The following NLRP5 variants were observed in gnomAD, a reference collection of about 807,000 sequenced individuals.
NLRP5 encodes the protein NACHT, LRR and PYD domains-containing protein 5.
Under a neutral mutation model 113.1 loss-of-function variants are expected in NLRP5, and 93 were observed. That is an observed-to-expected ratio of 0.82 (90% confidence interval 0.70 to 0.98). The LOEUF (loss-of-function observed/expected upper bound fraction) is 0.98, where lower values mean the gene tolerates loss of function less well. Ranked by LOEUF, NLRP5 falls within the 50% of genes least tolerant of loss-of-function variation. The pLI is 0.00. For synonymous variants in NLRP5, 751 were observed against 600.7 expected (o/e 1.25, Z -3.66); for missense variants, 1,808 against 1,514.3 (o/e 1.19, Z -3.22).
At chr19:56,043,560 T>TCC (rs1983602784) in intron 11 of NLRP5, among the ~76,000 whole-genome samples, 1 of 41,762 alleles carries the variant, frequency 2.4e-5, no homozygotes, top group Non-Finnish European at 5.6e-5. Context: ...TTTTTTTTTT[T>TCC]TTTTTTTTTT....
In NLRP5 at chr19:56,028,143, T is replaced by C. The variant is rs757846143; in HGVS notation, c.1910T>C (p.Leu637Ser). Residue 637 changes from leucine to serine, a missense_variant, in exon 7 of 15, where the codon TTG (leucine) becomes TCG (serine). Transcript: ENST00000390649. ...CACTCGCTTTGGATGAAGCGTTTCT[T>C]GTTTGGCCTCGTGAGCGAAGACGTA... 6.2e-7 allele frequency: 1 copy of C among 1,614,016 alleles called. No homozygotes were observed. The highest frequency in any genetic ancestry group is 8.5e-7 in the Non-Finnish European group (1 of 1,179,888).
In NLRP5 at chr19:56,027,294, C is replaced by T. The variant is rs763987829; in HGVS notation, c.1061C>T (p.Pro354Leu). Residue 354 changes from proline to leucine, a missense_variant, in exon 7 of 15, where the codon CCA becomes CTA. By Grantham distance (98) the Pro-to-Leu change is moderately conservative (BLOSUM62 -3). Coordinates refer to ENST00000390649, the MANE Select transcript of NLRP5 (RefSeq NM_153447.4). ...CCGGTGACGGAGATCATGTCCCGAC[C>T]AGAAAGGCTGTTGTTCATCATTGAC... The T allele has an allele frequency of 5.6e-6, 9 of 1,611,956 alleles. No individual in the cohort carries two copies. The highest frequency in any genetic ancestry group is 1.6e-4 in the Middle Eastern group (1 of 6,084).
At chr19:56,042,736 T>G (rs1409603801) in intron 11 of NLRP5, among the ~76,000 whole-genome samples, 3 of 152,234 alleles carry the variant, frequency 2.0e-5, no homozygotes, top group East Asian at 3.8e-4. Flanking sequence ...TGAAGTCTTT[T>G]ATCCCTCGCC....
intron 11 of NLRP5, among the ~76,000 whole-genome samples, chr19:56,050,105 C>A (rs374752281): frequency 2.6e-5 from 4 of 152,032 alleles, no homozygotes; most frequent in Admixed American, 1.3e-4. Flanking sequence ...CATCGTAAAA[C>A]CCCATCTCTA....
intron 2 of NLRP5, among the ~76,000 whole-genome samples, chr19:56,004,690 C>G (rs747388801): frequency 6.6e-6 from 1 of 152,024 alleles, no homozygotes; most frequent in South Asian, 2.1e-4. Context: ...TTTTAGGGTA[C>G]TTAGGAGAAA....
At chr19:56,039,506 T>C (rs1351546960) in intron 10 of NLRP5, among the ~76,000 whole-genome samples, 1 of 152,082 alleles carries the variant, frequency 6.6e-6, no homozygotes, top group Non-Finnish European at 1.5e-5. Flanking sequence ...CTCTCGATCT[T>C]GGGTGTCATA....
In NLRP5 at chr19:56,041,088, C is replaced by G. The variant is rs771626665; in HGVS notation, c.2953C>G (p.Leu985Val). Residue 985 changes from leucine to valine, a missense_variant, in exon 11 of 15, where the codon CTG (leucine) becomes GTG (valine). Coordinates refer to ENST00000390649, the MANE Select transcript of NLRP5 (RefSeq NM_153447.4). Reference sequence around the variant, plus strand: ...GCTTCCCCACTGTAGTCTGCAGAGGCTGATGTGAGTCTGGCTTGCTCCCCT... The same window carrying G: ...GCTTCCCCACTGTAGTCTGCAGAGGGTGATGTGAGTCTGGCTTGCTCCCCT... 1.9e-6 allele frequency: 3 copies of G among 1,613,710 alleles called. No homozygotes were observed. In the African/African-American group the frequency reaches 4.0e-5, roughly 22 times the overall value.
the NLRP5 span, among the ~76,000 whole-genome samples, chr19:55,987,479 G>A: frequency 1.3e-5 from 2 of 152,194 alleles, no homozygotes; most frequent in Non-Finnish European, 2.9e-5. Flanking sequence ...TGCTAATTGT[G>A]CAAATACTAT....
intron 1 of NLRP5, among the ~76,000 whole-genome samples, chr19:56,001,870 G>A (rs548623881): frequency 2.6e-5 from 4 of 152,084 alleles, no homozygotes; most frequent in Non-Finnish European, 2.9e-5. Flanking sequence ...GTATTCCTTC[G>A]ATTGCTTTGT....
In NLRP5 at chr19:56,039,479, C is replaced by G. The variant is rs115374659; in HGVS notation, c.2786+1284C>G. Among the ~76,000 whole-genome samples the G allele has an allele frequency of 8.5e-3, 1,292 of 152,226 alleles. 27 individuals are homozygous for G. The highest frequency in any genetic ancestry group is 0.027 in the African/African-American group (1,137 of 41,538). ...AGGCTCAGAGGGTGACATCTGAGCT[C>G]TCGATCACACCCTGAGCTCTCGATC... On this transcript the variant is annotated intron_variant, in intron 10 of 14. Transcript: ENST00000390649.
At chr19:56,011,149 T>A (rs1568484579) in intron 3 of NLRP5, among the ~76,000 whole-genome samples, 1 of 127,908 alleles carries the variant, frequency 7.8e-6, no homozygotes, top group Non-Finnish European at 1.7e-5. Flanking sequence ...TGAGACTATG[T>A]CTTTAAAAAA....
At chr19:56,024,269 A>C (rs1982725516) in intron 6 of NLRP5, among the ~76,000 whole-genome samples, 1 of 150,654 alleles carries the variant, frequency 6.6e-6, no homozygotes, top group Non-Finnish European at 1.5e-5. Flanking sequence ...TGGGAGGCTG[A>C]AGTGGGCGGA....
upstream of NLRP5, among the ~76,000 whole-genome samples, chr19:55,998,686 A>ATATATGTGTGTG (rs1981437840): frequency 2.1e-5 from 1 of 47,554 alleles, no homozygotes; most frequent in African/African-American, 8.6e-5. Flanking sequence ...ATATATATAT[A>ATATATGTGTGTG]TATATATATA....
intron 2 of NLRP5, among the ~76,000 whole-genome samples, chr19:56,007,915 G>A (rs1414333782): frequency 3.1e-5 from 1 of 31,962 alleles, no homozygotes; most frequent in Non-Finnish European, 1.1e-4. Context: ...GTGTGTGTGT[G>A]TGTGTGTGTG....
rs140801360 is a variant in NLRP5 at position 56,049,305 on chromosome 19, G to A, written c.2958-1113G>A. Among the ~76,000 whole-genome samples the A allele has an allele frequency of 7.3e-3, 1,111 of 151,804 alleles. 6 individuals are homozygous for A. Among genetic ancestry groups the A allele is most frequent in the Admixed American group, 1.0e-2 (152 of 15,208 alleles). On this transcript the variant is annotated intron_variant, in intron 11 of 14. Transcript: ENST00000390649. ...AGCGATTCTACTGCCTCAGCCTCCC[G>A]AGCAGCTGGGATTACAGGCATGCAC...
upstream of NLRP5, among the ~76,000 whole-genome samples, chr19:55,998,551 G>A (rs1981416170): frequency 6.6e-6 from 1 of 151,304 alleles, no homozygotes; most frequent in Admixed American, 6.6e-5. Flanking sequence ...TACTCTGGAG[G>A]CTGAGACAGG....
the NLRP5 span, among the ~76,000 whole-genome samples, chr19:55,991,096 C>T: frequency 3.9e-5 from 6 of 152,144 alleles, no homozygotes; most frequent in Admixed American, 2.0e-4. Flanking sequence ...GTTTTTTCAG[C>T]GGGACTTTAA....
At chr19:56,003,615 C>T (rs1981737674) in intron 1 of NLRP5, 121 bp from the exon 2 acceptor site, 2 of 1,210,766 alleles carry the variant, frequency 1.7e-6, no homozygotes, top group Admixed American at 2.4e-5. Flanking sequence ...GCAACAAATG[C>T]TTCGTCCATG....
chr19:55,989,397 T>A, the NLRP5 span, among the ~76,000 whole-genome samples: 1 of 151,712 alleles, frequency 6.6e-6, no homozygotes, highest in African/African-American at 2.4e-5. Flanking sequence ...GGATTACAGG[T>A]GCCCGCCACC....
Sources: allele counts gnomAD v4.1 joint callset (sites outside exome capture counted in the v4.1 genomes callset), GRCh38; gene constraint gnomAD v4.1.1; transcripts MANE v1.5; gene names NCBI Gene and HGNC (gene_info 2026-07-23, HGNC 2026-07-21).